Variants in TRPM7 observed in about 807,000 individuals in gnomAD.
The protein encoded by TRPM7 is transient receptor potential cation channel subfamily M member 7, also known as LTRPC ion channel family member 7.
TRPM7 carries 134 observed loss-of-function variants against 229.7 expected under a neutral mutation model. The observed-to-expected ratio is 0.58, with a 90% CI of 0.51 to 0.67. TRPM7 has a LOEUF of 0.67. Ranked by LOEUF, TRPM7 falls within the 30% of genes least tolerant of loss-of-function variation. TRPM7 has a pLI of 0.00. For missense variants in TRPM7, 1,901 were observed against 2,210.0 expected (o/e 0.86, Z 2.80); for synonymous variants, 699 against 715.2 (o/e 0.98, Z 0.36).
chr15:50,647,247 C>T (rs1317605130), intron 4 of TRPM7, among the ~76,000 whole-genome samples: 1 of 152,166 alleles, frequency 6.6e-6, no homozygotes, highest in Non-Finnish European at 1.5e-5. Context: ...TATCCTGCTT[C>T]AGCCTCCCAA....
At chr15:50,564,693 A>T (rs1378275904) in intron 38 of TRPM7, among the ~76,000 whole-genome samples, 2 of 152,138 alleles carry the variant, frequency 1.3e-5, no homozygotes, top group Non-Finnish European at 1.5e-5. Flanking sequence ...TTTATTTTTT[A>T]AAAAATAAAA....
At chr15:50,629,369 C>T (rs1487428775) in intron 10 of TRPM7, among the ~76,000 whole-genome samples, 1 of 149,248 alleles carries the variant, frequency 6.7e-6, no homozygotes, top group Non-Finnish European at 1.5e-5. Context: ...GCCTCCTGGG[C>T]TCAACTGATC....
At chr15:50,596,476 T>C in intron 22 of TRPM7, 95 bp from the exon 23 acceptor site, 1 of 1,016,176 alleles carries the variant, frequency 9.8e-7, no homozygotes, top group South Asian at 2.4e-5. Context: ...ATTTATTTAC[T>C]TAAAGTAAGT....
intron 1 of TRPM7, among the ~76,000 whole-genome samples, chr15:50,681,023 C>T (rs1039749374): frequency 2.0e-5 from 3 of 151,984 alleles, no homozygotes; most frequent in African/African-American, 7.2e-5. Flanking sequence ...GAGGCCAAGG[C>T]GGGCAGATCA....
At chr15:50,595,926 A>C (rs1163652294) in intron 23 of TRPM7, among the ~76,000 whole-genome samples, 3 of 150,884 alleles carry the variant, frequency 2.0e-5, no homozygotes, top group Admixed American at 1.3e-4. Context: ...ATTTGCAAAA[A>C]AAATGATAGA....
chr15:50,619,194 G>C (rs1334736874), intron 13 of TRPM7, among the ~76,000 whole-genome samples: 2 of 151,340 alleles, frequency 1.3e-5, no homozygotes, highest in Non-Finnish European at 2.9e-5. Context: ...TTCTATCTTG[G>C]ATGACCAGAA....
At chr15:50,657,316 T>A (rs778671904) in intron 3 of TRPM7, among the ~76,000 whole-genome samples, 4 of 152,168 alleles carry the variant, frequency 2.6e-5, no homozygotes, top group Non-Finnish European at 5.9e-5. Context: ...AGAGCAAGAC[T>A]CCGTCTCAAA....
In TRPM7 at chr15:50,643,345, T is replaced by C. The variant is rs753184706; in HGVS notation, c.530A>G (p.Asn177Ser). 2.5e-6 allele frequency: 4 copies of C among 1,613,512 alleles called. No homozygotes were observed. The South Asian group carries it at 4.4e-5, about 18-fold the overall frequency. ...TGGTATAATCATCACATTACCTGTG[T>C]TTACTCCTCCAGTTAAAATCCAGGC... ...TGAWILTGGV[N>S]TGVAKHVGDA... The change falls in exon 5 of 39, where the codon AAC becomes AGC. Residue 177 changes from asparagine to serine, a missense_variant. By Grantham distance (46) the Asn-to-Ser change is conservative (BLOSUM62 1). Coordinates refer to ENST00000646667, the MANE Select transcript of TRPM7 (RefSeq NM_017672.6).
intron 38 of TRPM7, 144 bp from the exon 39 acceptor site, chr15:50,561,952 T>C (rs2053333623): frequency 1.3e-6 from 1 of 778,324 alleles, no homozygotes; most frequent in Non-Finnish European, 1.9e-6. Flanking sequence ...TGGAGTGCAA[T>C]GGCGCGATCT....
At chr15:50,636,023 CAG>C (rs1281122112) in intron 7 of TRPM7, among the ~76,000 whole-genome samples, 2 of 151,500 alleles carry the variant, frequency 1.3e-5, no homozygotes, top group Admixed American at 6.6e-5. Context: ...AAATTGATGA[CAG>C]AATTACATAA....
rs1222498086 is a variant in TRPM7 at position 50,679,531 on chromosome 15, TATATA to T, written c.3+6995_3+6999del. On this transcript the variant is annotated intron_variant, in intron 1 of 38. Transcript: ENST00000646667. ...TATATAATATATATATATATATATA[TATATA>T]TATTTTTTTTTTTTTTTGAGACAGA... is the stretch of plus-strand genomic sequence containing the variant. Among the ~76,000 whole-genome samples, 248 of 53,306 alleles carry T rather than the reference TATATA, an allele frequency of 4.7e-3. 2 individuals are homozygous for T. The highest frequency in any genetic ancestry group is 7.2e-3 in the South Asian group (12 of 1,676). The allele number at this position is 53,306 out of a possible 152,430, so 35.0% of individuals were successfully genotyped here.
In TRPM7 at chr15:50,631,435, G is replaced by A; in HGVS notation, c.1186C>T (p.Leu396Phe). Residue 396 changes from leucine to phenylalanine, a missense_variant, in exon 10 of 39, where the codon CTT becomes TTT. Transcript: ENST00000646667. Reference protein sequence around the residue: ...DEHQDIDVAILTALLKGTNAS... With the variant: ...DEHQDIDVAIFTALLKGTNAS... ...GGCTTACCTTTTAGCAGTGCAGTAA[G>A]TATTGCTACATCTATATCTTGATGT... 1 of 1,609,362 alleles carries A rather than the reference G, an allele frequency of 6.2e-7. No homozygotes were observed. Among genetic ancestry groups the A allele is most frequent in the Non-Finnish European group, 8.5e-7 (1 of 1,176,842 alleles).
At chr15:50,563,644 CAG>C (rs1422527146) in intron 38 of TRPM7, among the ~76,000 whole-genome samples, 2 of 152,150 alleles carry the variant, frequency 1.3e-5, no homozygotes, top group African/African-American at 4.8e-5. Flanking sequence ...GATAGGGAAA[CAG>C]AGTTCTATGT....
chr15:50,591,776 G>A (rs1278307166), intron 26 of TRPM7, 135 bp downstream of exon 26: 3 of 643,062 alleles, frequency 4.7e-6, no homozygotes, highest in African/African-American at 1.9e-5. Context: ...AGAATCACAG[G>A]TGTCTGATTC....
chr15:50,594,859 T>G (rs1031711948), intron 23 of TRPM7, among the ~76,000 whole-genome samples: 111 of 152,008 alleles, frequency 7.3e-4, no homozygotes, highest in Non-Finnish European at 1.2e-4. Flanking sequence ...GGGTAAGACA[T>G]AAGAAAATAC....
At chr15:50,682,173 C>CAGAAAAAAAAAAAAA (rs2062254929) in intron 1 of TRPM7, among the ~76,000 whole-genome samples, 1 of 63,684 alleles carries the variant, frequency 1.6e-5, no homozygotes, top group Non-Finnish European at 2.8e-5. Context: ...AACTCAGTCT[C>CAGAAAAAAAAAAAAA]AAAAAAAAAA....
intron 24 of TRPM7, 53 bp from the exon 25 acceptor site, chr15:50,593,802 T>G: frequency 6.5e-7 from 1 of 1,537,432 alleles, no homozygotes; most frequent in Non-Finnish European, 8.8e-7. Flanking sequence ...AGGTTTCAAC[T>G]TTAGCTCATA....
chr15:50,591,982 C>A lies in TRPM7; in HGVS notation c.4253G>T (p.Gly1418Val). 6.2e-7 allele frequency: 1 copy of A among 1,608,082 alleles called. No individual in the cohort carries two copies. Among genetic ancestry groups the A allele is most frequent in the Non-Finnish European group, 8.5e-7 (1 of 1,178,442 alleles). The change falls in exon 26 of 39, where the codon GGA becomes GTA. Residue 1418 changes from glycine to valine, a missense_variant. Transcript: ENST00000646667. The stretch of plus-strand genomic sequence containing the variant: ...GCAAACAGTTTCTTGATCTTTGGTT[C>A]CAGTTTCCAAGTGGCTTTTGCAACT... ...QPSCKSHLET[G>V]TKDQETVCSK...
At chr15:50,604,818 T>TA (rs776336120) in intron 21 of TRPM7, 48 bp downstream of exon 21, 29 of 1,498,470 alleles carry the variant, frequency 1.9e-5, no homozygotes, top group South Asian at 7.0e-5. Flanking sequence ...TGTGATTTTT[T>TA]AAAAAATCAA....
Sources: allele counts gnomAD v4.1 joint callset (sites outside exome capture counted in the v4.1 genomes callset), GRCh38; gene constraint gnomAD v4.1.1; transcripts MANE v1.5; gene names NCBI Gene and HGNC (gene_info 2026-07-23, HGNC 2026-07-21).